Variants in AK9 observed in about 807,000 individuals in gnomAD.
AK9 encodes adenylate kinase domain containing 1.
AK9 carries 191 observed loss-of-function variants against 239.6 expected under a neutral mutation model. The ratio of observed to expected loss-of-function variants is 0.80; its 90% CI spans 0.71 to 0.90. The LOEUF (loss-of-function observed/expected upper bound fraction) is 0.90, where lower values mean the gene tolerates loss of function less well. Ranked by LOEUF, AK9 falls within the 40% of genes least tolerant of loss-of-function variation. AK9 has a pLI of 0.00. For synonymous variants in AK9, 689 were observed against 721.0 expected (o/e 0.96, Z 0.71); for missense variants, 1,995 against 2,214.7 (o/e 0.90, Z 1.99).
At chr6:109,574,227 T>G (rs9386817) in intron 20 of AK9, among the ~76,000 whole-genome samples, 22 of 151,964 alleles carry the variant, frequency 1.4e-4, no homozygotes, top group South Asian at 4.1e-4. Flanking sequence ...ATACAAAAAT[T>G]AGCTGGGTGT....
At chr6:109,570,782 AC>A (rs1219931633) in intron 21 of AK9, among the ~76,000 whole-genome samples, 1 of 152,218 alleles carries the variant, frequency 6.6e-6, no homozygotes, top group African/African-American at 2.4e-5. Context: ...TGAAGCAATA[AC>A]TGAAGAAAGG....
At chr6:109,530,062 C>T (rs186122525) in intron 28 of AK9, among the ~76,000 whole-genome samples, 45 of 152,294 alleles carry the variant, frequency 3.0e-4, no homozygotes, top group Admixed American at 1.4e-3. Context: ...AGATAGTCCT[C>T]CAACCTTCCC....
intron 6 of AK9, among the ~76,000 whole-genome samples, chr6:109,661,445 TG>T (rs5879035): frequency 1.7e-4 from 26 of 152,088 alleles, no homozygotes; most frequent in African/African-American, 6.3e-4. Flanking sequence ...AGTAAGCATT[TG>T]GGGTCTTCTG....
intron 17 of AK9, among the ~76,000 whole-genome samples, chr6:109,599,935 G>C (rs576115320): frequency 1.3e-5 from 2 of 152,238 alleles, no homozygotes; most frequent in East Asian, 3.9e-4. Context: ...TTGTATACTG[G>C]AGACTTTGCT....
At chr6:109,606,253 AATAG>A (rs57376541) in intron 17 of AK9, among the ~76,000 whole-genome samples, 71,059 of 148,018 alleles carry the variant, frequency 0.48, 17,003 homozygotes, top group Middle Eastern at 0.54. Flanking sequence ...ATCACTTGTG[AATAG>A]ATAGATAGAT....
Position 109,672,096 on chromosome 6 carries a change from G to T in AK9, c.234+19C>A. On this transcript the variant is annotated intron_variant, in intron 4 of 40. Coordinates refer to ENST00000424296, the MANE Select transcript of AK9 (RefSeq NM_001145128.3). ...CTTTTTTTGTAATCATAGTTACTTT[G>T]AAATTTAGGTTTGTTTACCATAACT... The T allele has an allele frequency of 6.2e-7, 1 of 1,613,052 alleles. No individual in the cohort carries two copies. Among genetic ancestry groups the T allele is most frequent in the Non-Finnish European group, 8.5e-7 (1 of 1,179,484 alleles).
At chr6:109,511,656 T>C (rs780109447) in intron 32 of AK9, among the ~76,000 whole-genome samples, 1 of 152,156 alleles carries the variant, frequency 6.6e-6, no homozygotes, top group African/African-American at 2.4e-5. Context: ...CTCAGAACCC[T>C]ACTCATCCCA....
At chr6:109,622,331 G>A (rs1035187233) in intron 12 of AK9, among the ~76,000 whole-genome samples, 1 of 142,032 alleles carries the variant, frequency 7.0e-6, no homozygotes, top group African/African-American at 2.5e-5. Flanking sequence ...ATATGTATAT[G>A]TATATACTAT....
chr6:109,611,594 C>A (rs1275422542), intron 16 of AK9, among the ~76,000 whole-genome samples: 1 of 152,158 alleles, frequency 6.6e-6, no homozygotes, highest in Non-Finnish European at 1.5e-5. Flanking sequence ...CACTCGCATG[C>A]ACATGTGCTC....
chr6:109,531,000 G>A (rs866901896), intron 28 of AK9, among the ~76,000 whole-genome samples: 10 of 151,966 alleles, frequency 6.6e-5, no homozygotes, highest in Non-Finnish European at 1.0e-4. Flanking sequence ...CTGAGATTGC[G>A]CCACTGCATT....
intron 24 of AK9, among the ~76,000 whole-genome samples, chr6:109,562,728 CA>C (rs1394646811): frequency 1.4e-5 from 2 of 145,272 alleles, no homozygotes; most frequent in Non-Finnish European, 3.0e-5. Flanking sequence ...GTACCCTACC[CA>C]ATGCTCTGTG....
intron 27 of AK9, among the ~76,000 whole-genome samples, chr6:109,536,402 T>C (rs1781997125): frequency 6.6e-6 from 1 of 152,212 alleles, no homozygotes; most frequent in African/African-American, 2.4e-5. Context: ...GATTTGGCTC[T>C]CTGTCTGTTA....
chr6:109,508,097 A>G (rs956215722), intron 33 of AK9, among the ~76,000 whole-genome samples: 2 of 152,194 alleles, frequency 1.3e-5, no homozygotes, highest in South Asian at 4.1e-4. Context: ...TCATTGCTTA[A>G]ACTCCTTTGA....
Position 109,564,755 on chromosome 6 carries a change from C to A in AK9, c.2434+1G>T. On this transcript the variant is annotated splice_donor_variant, in intron 22 of 40. Coordinates refer to ENST00000424296, the MANE Select transcript of AK9 (RefSeq NM_001145128.3). LOFTEE classifies it high-confidence loss of function. ...GAACTACTTTCATTTTACAGTCTAA[C>A]CTGTTTCAGATAATTTTTCAATTTC... is the stretch of plus-strand genomic sequence containing the variant. 6.5e-7 allele frequency: 1 copy of A among 1,535,584 alleles called. No homozygotes were observed. Among genetic ancestry groups the A allele is most frequent in the Non-Finnish European group, 8.8e-7 (1 of 1,137,032 alleles).
At chr6:109,670,630 AT>A (rs903070842) in intron 5 of AK9, among the ~76,000 whole-genome samples, 3 of 152,102 alleles carry the variant, frequency 2.0e-5, no homozygotes, top group Non-Finnish European at 4.4e-5. Context: ...AATACTTATA[AT>A]TTATGTCATC....
chr6:109,619,312 G>C (rs1053632680), intron 12 of AK9, 76 bp from the exon 13 acceptor site: 34 of 1,367,642 alleles, frequency 2.5e-5, no homozygotes, highest in Non-Finnish European at 3.3e-5. Flanking sequence ...ATCTATCTAT[G>C]TATATCTATC....
Position 109,648,019 on chromosome 6 carries a change from T to G in AK9, c.760-3331A>C, listed in dbSNP as rs560489260. Reference sequence around the variant, plus strand: ...GTACATAATGAAATGAAGGCAGAAATAAAGATGTTCTTTGAAACCAACGAG... The same window carrying G: ...GTACATAATGAAATGAAGGCAGAAAGAAAGATGTTCTTTGAAACCAACGAG... On this transcript the variant is annotated intron_variant, in intron 8 of 40. Coordinates refer to ENST00000424296, the MANE Select transcript of AK9 (RefSeq NM_001145128.3). 2.0e-5 allele frequency among the ~76,000 whole-genome samples: 3 copies of G among 152,058 alleles called. No individual in the cohort carries two copies. In the East Asian group the frequency reaches 5.8e-4, roughly 29 times the overall value.
intron 28 of AK9, among the ~76,000 whole-genome samples, chr6:109,529,622 A>C (rs1315142572): frequency 6.6e-6 from 1 of 152,136 alleles, no homozygotes; most frequent in African/African-American, 2.4e-5. Context: ...AACTCACCAT[A>C]ATGTAGAATC....
chr6:109,542,319 G>C lies in AK9; in HGVS notation c.3226-148C>G. The C allele has an allele frequency of 4.2e-6, 3 of 711,802 alleles. No individual in the cohort carries two copies. In the South Asian group the frequency reaches 6.0e-5, roughly 14 times the overall value. 44.1% of individuals were successfully genotyped at this position (711,802 alleles called of 1,614,324 possible). On this transcript the variant is annotated intron_variant, in intron 26 of 40. Coordinates refer to ENST00000424296, the MANE Select transcript of AK9 (RefSeq NM_001145128.3). ...TACCACAGGCAGGGAAGGGTGTGTG[G>C]TAGGGATAGAGGACATGAAGAGAGG...
Sources: gnomAD v4.1 joint callset for allele counts (sites outside exome capture counted in the v4.1 genomes callset) on GRCh38, gnomAD v4.1.1 for gene constraint, MANE v1.5 for transcripts, NCBI Gene and HGNC (gene_info 2026-07-23, HGNC 2026-07-21) for gene names.